Variants in KCNN2 observed in about 807,000 individuals in gnomAD.
KCNN2 encodes potassium calcium-activated channel subfamily N member 2.
In KCNN2, 24 loss-of-function variants were observed where a neutral mutation model predicts 55.5. The observed-to-expected ratio is 0.43, with a 90% CI of 0.31 to 0.61. The LOEUF is 0.61. Among genes scored for constraint, KCNN2 ranks in the 20% least tolerant of loss-of-function variants. The probability of loss-of-function intolerance (pLI) is 0.08; values close to 1 mark genes in which losing one functional copy is unlikely to be tolerated. For missense variants in KCNN2, 754 were observed against 853.6 expected, an observed-to-expected ratio of 0.88 and a Z score of 1.45; for synonymous variants, 431 against 336.1, an observed-to-expected ratio of 1.28 and a Z score of -3.09.
At chr5:114,174,420 C>T (rs1166090233) in intron 1 of KCNN2, among the ~76,000 whole-genome samples, 3 of 152,052 alleles carry the variant, frequency 2.0e-5, no homozygotes, top group African/African-American at 7.2e-5. Context: ...TAGACAAGAG[C>T]ATTTAGAGTA....
chr5:114,374,954 G>A (rs62381467), intron 2 of KCNN2, among the ~76,000 whole-genome samples: 10,836 of 152,132 alleles, frequency 0.071, 517 homozygotes, highest in Non-Finnish European at 0.099. Flanking sequence ...TGAGTTAGTC[G>A]TCTTCTGTCA....
chr5:114,120,150 T>G (rs1291759982), intron 1 of KCNN2, among the ~76,000 whole-genome samples: 1 of 152,156 alleles, frequency 6.6e-6, no homozygotes, highest in Non-Finnish European at 1.5e-5. Flanking sequence ...AATATACCTG[T>G]TTTCTGAGGT....
chr5:114,258,484 C>A (rs375042763), intron 2 of KCNN2, among the ~76,000 whole-genome samples: 1 of 151,290 alleles, frequency 6.6e-6, no homozygotes, highest in East Asian at 1.9e-4. Flanking sequence ...CTTTTTTTTT[C>A]TTGGGAGATT....
intron 2 of KCNN2, among the ~76,000 whole-genome samples, chr5:114,234,026 C>CT (rs565192593): frequency 0.11 from 15,643 of 145,194 alleles, 819 homozygotes; most frequent in Middle Eastern, 0.15. Context: ...TTGGCTCTAG[C>CT]TTTTTTTTTT....
At chr5:114,218,248 A>G (rs1475950121) in intron 1 of KCNN2, among the ~76,000 whole-genome samples, 1 of 152,202 alleles carries the variant, frequency 6.6e-6, no homozygotes, top group African/African-American at 2.4e-5. Flanking sequence ...TACCCAAAGG[A>G]ATAGAAAAGT....
At chr5:114,356,791 A>G (rs1757301473) in intron 2 of KCNN2, among the ~76,000 whole-genome samples, 1 of 152,156 alleles carries the variant, frequency 6.6e-6, no homozygotes. Flanking sequence ...TTTTCTTCAA[A>G]TTAGTAGATT....
chr5:114,412,040 T>C (rs1475827315), intron 3 of KCNN2, among the ~76,000 whole-genome samples: 2 of 152,192 alleles, frequency 1.3e-5, no homozygotes, highest in African/African-American at 4.8e-5. Context: ...AAGGAGTTGC[T>C]AAGGGAAAGC....
intron 2 of KCNN2, among the ~76,000 whole-genome samples, chr5:114,304,542 C>G (rs1469507973): frequency 6.6e-6 from 1 of 152,208 alleles, no homozygotes; most frequent in African/African-American, 2.4e-5. Flanking sequence ...CCAGGGCAGA[C>G]TAGCGTGCTG....
chr5:114,340,254 T>C (rs1355138932), intron 2 of KCNN2, among the ~76,000 whole-genome samples: 1 of 152,228 alleles, frequency 6.6e-6, no homozygotes, highest in Non-Finnish European at 1.5e-5. Flanking sequence ...ATGAAGCAGA[T>C]TGTCATTGTT....
At chr5:114,210,709 G>A (rs2112581677) in intron 1 of KCNN2, among the ~76,000 whole-genome samples, 1 of 152,256 alleles carries the variant, frequency 6.6e-6, no homozygotes, top group East Asian at 1.9e-4. Context: ...CCAAATTGTA[G>A]TTATTAACGA....
In KCNN2 at chr5:114,241,794, G is replaced by GTGTGTGTGTA. The variant is rs1554076487; in HGVS notation, c.-185+20230_-185+20231insGTGTGTGTAT. Among the ~76,000 whole-genome samples the GTGTGTGTGTA allele has an allele frequency of 1.8e-4, 3 of 16,964 alleles. 1 individual carries two copies. The highest frequency in any genetic ancestry group is 8.2e-4 in the African/African-American group (2 of 2,432). The allele number at this position is 16,964 out of a possible 152,430, so 11.1% of individuals were successfully genotyped here. A position where few individuals can be genotyped will look rare whatever the true frequency, so the allele number is the denominator to read the frequency against. On this transcript the variant is annotated intron_variant, in intron 2 of 10. Coordinates refer to the KCNN2 transcript ENST00000512097. ...TATATACATATATACGTATATATATGTATATATATACGTATATATATATAT... is the reference window on the plus strand; with the variant it reads ...TATATACATATATACGTATATATATGTGTGTGTGTATATATATATACGTATATATATATAT...
chr5:114,083,840 C>T (rs1750956281), intron 1 of KCNN2, among the ~76,000 whole-genome samples: 1 of 152,106 alleles, frequency 6.6e-6, no homozygotes, highest in Admixed American at 6.6e-5. Flanking sequence ...TGAACCTAGT[C>T]ATCCCTCTCT....
At chr5:114,317,299 A>G (rs1756519402) in intron 2 of KCNN2, among the ~76,000 whole-genome samples, 1 of 151,970 alleles carries the variant, frequency 6.6e-6, no homozygotes, top group Non-Finnish European at 1.5e-5. Flanking sequence ...ACACTTTTTT[A>G]CAAAGCTTAT....
At chr5:114,242,748 A>G (rs1430261243) in intron 2 of KCNN2, among the ~76,000 whole-genome samples, 2 of 152,230 alleles carry the variant, frequency 1.3e-5, no homozygotes. Flanking sequence ...GTATATTACT[A>G]TTGGATTCCT....
chr5:114,480,293 C>T (rs1222861713), intron 5 of KCNN2, among the ~76,000 whole-genome samples: 1 of 152,002 alleles, frequency 6.6e-6, no homozygotes, highest in Non-Finnish European at 1.5e-5. Flanking sequence ...ACATAATACC[C>T]TCCTACGACC....
chr5:114,134,596 C>T lies in KCNN2; in HGVS notation c.-271+78096C>T, dbSNP rs550575327. Among the ~76,000 whole-genome samples the T allele has an allele frequency of 2.0e-5, 3 of 152,024 alleles. No homozygotes were observed. In the South Asian group the frequency reaches 6.2e-4, roughly 32 times the overall value. ...GTTCAAGCCATTCTCCTGCCTAAGCCTCCCGAATAGCTGGGATTACAGGCG... is the reference window on the plus strand; with the variant it reads ...GTTCAAGCCATTCTCCTGCCTAAGCTTCCCGAATAGCTGGGATTACAGGCG... On this transcript the variant is annotated intron_variant, in intron 1 of 10. Coordinates refer to the KCNN2 transcript ENST00000512097.
chr5:114,351,437 C>CT (rs1410377832), intron 2 of KCNN2, among the ~76,000 whole-genome samples: 2 of 151,682 alleles, frequency 1.3e-5, no homozygotes, highest in Non-Finnish European at 1.5e-5. Flanking sequence ...CCTTTTGTTT[C>CT]TTTTTATTAC....
intron 3 of KCNN2, among the ~76,000 whole-genome samples, chr5:114,420,944 T>G (rs1043438709): frequency 2.0e-4 from 31 of 152,094 alleles, no homozygotes; most frequent in Admixed American, 6.6e-5. Flanking sequence ...CCTTCCACAT[T>G]ATTTTTGATG....
intron 2 of KCNN2, among the ~76,000 whole-genome samples, chr5:114,311,748 A>G (rs11743003): frequency 0.34 from 52,101 of 151,884 alleles, 9,321 homozygotes; most frequent in Middle Eastern, 0.4. Flanking sequence ...TTAGAGATGA[A>G]TCTTTGGTTT....
Sources: gnomAD v4.1 joint callset for allele counts (sites outside exome capture counted in the v4.1 genomes callset) on GRCh38, gnomAD v4.1.1 for gene constraint, MANE v1.5 for transcripts, NCBI Gene and HGNC (gene_info 2026-07-23, HGNC 2026-07-21) for gene names.